The following KIAA1549L variants were observed in gnomAD, a reference collection of about 807,000 sequenced individuals.
The protein encoded by KIAA1549L is KIAA1549 like, also known as UPF0606 protein KIAA1549L.
In KIAA1549L, 88 loss-of-function variants were observed where a neutral mutation model predicts 160.7. That is an observed-to-expected ratio of 0.55 (90% CI 0.46 to 0.65). KIAA1549L has a LOEUF of 0.65. Among genes scored for constraint, KIAA1549L ranks in the 30% least tolerant of loss-of-function variants. KIAA1549L has a pLI of 0.00. For synonymous variants in KIAA1549L, 950 were observed against 976.7 expected, an observed-to-expected ratio of 0.97 and a Z score of 0.51; for missense variants, 2,258 against 2,437.5, an observed-to-expected ratio of 0.93 and a Z score of 1.55.
rs1851356109 is a variant in KIAA1549L, at chr11:33,435,802, ATATATATATGTG to A, written c.238+58915_238+58926del. Among the ~76,000 whole-genome samples, 5 of 16,480 alleles carry A rather than the reference ATATATATATGTG, an allele frequency of 3.0e-4. 1 individual carries two copies. Among genetic ancestry groups the A allele is most frequent in the African/African-American group, 2.0e-3 (5 of 2,536 alleles). 10.8% of individuals were successfully genotyped at this position (16,480 alleles called of 152,430 possible). On this transcript the variant is annotated intron_variant, in intron 1 of 20. Coordinates refer to ENST00000658780, the MANE Select transcript of KIAA1549L (RefSeq NM_012194.3). ...TATATATATATATATATATATATAT[ATATATATATGTG>A]TGTGTATATATATATATGTATATGT...
chr11:33,505,246 A>G (rs144222994), intron 1 of KIAA1549L, among the ~76,000 whole-genome samples: 123 of 152,004 alleles, frequency 8.1e-4, no homozygotes, highest in African/African-American at 2.9e-3. Flanking sequence ...AACAACCCAG[A>G]CTCTCTGAAG....
At chr11:33,395,817 T>G (rs1850362330) in intron 1 of KIAA1549L, among the ~76,000 whole-genome samples, 1 of 152,060 alleles carries the variant, frequency 6.6e-6, no homozygotes, top group Admixed American at 6.5e-5. Context: ...GTCTTCTGTT[T>G]GGCAAAAAAG....
chr11:33,442,797 G>A (rs953855049), intron 1 of KIAA1549L, among the ~76,000 whole-genome samples: 1 of 152,012 alleles, frequency 6.6e-6, no homozygotes, highest in African/African-American at 2.4e-5. Flanking sequence ...CTGGCTAGAC[G>A]TGTGTTAAAC....
At chr11:33,497,993 T>C (rs1852858753) in intron 1 of KIAA1549L, among the ~76,000 whole-genome samples, 1 of 152,128 alleles carries the variant, frequency 6.6e-6, no homozygotes, top group Non-Finnish European at 1.5e-5. Context: ...TCCTCATCTA[T>C]AAATACTAGT....
chr11:33,666,509 C>G (rs1328763370), intron 20 of KIAA1549L, among the ~76,000 whole-genome samples: 16 of 152,208 alleles, frequency 1.1e-4, no homozygotes, highest in Admixed American at 5.2e-4. Flanking sequence ...CCATAGCACC[C>G]TGTGCCTCTG....
At chr11:33,572,339 C>T (rs922050255) in intron 9 of KIAA1549L, among the ~76,000 whole-genome samples, 6 of 152,120 alleles carry the variant, frequency 3.9e-5, no homozygotes, top group Admixed American at 3.9e-4. Flanking sequence ...GCCTGGCCAA[C>T]ATTTTCAAAC....
intron 1 of KIAA1549L, among the ~76,000 whole-genome samples, chr11:33,474,649 A>G (rs1173862877): frequency 6.6e-6 from 1 of 152,214 alleles, no homozygotes; most frequent in African/African-American, 2.4e-5. Flanking sequence ...TAACTTCCTC[A>G]TTTGTAAAAG....
intron 1 of KIAA1549L, among the ~76,000 whole-genome samples, chr11:33,467,685 T>C (rs1258292350): frequency 6.6e-6 from 1 of 152,216 alleles, no homozygotes; most frequent in Non-Finnish European, 1.5e-5. Context: ...ATATAGTAGA[T>C]TCCATTTTTG....
chr11:33,394,182 C>T (rs924114301), intron 1 of KIAA1549L, among the ~76,000 whole-genome samples: 11 of 152,136 alleles, frequency 7.2e-5, no homozygotes, highest in South Asian at 4.2e-4. Flanking sequence ...AAAGCAGCCT[C>T]GGCAACATGG....
intron 1 of KIAA1549L, among the ~76,000 whole-genome samples, chr11:33,484,108 A>T (rs1215712545): frequency 6.6e-6 from 1 of 152,112 alleles, no homozygotes; most frequent in Non-Finnish European, 1.5e-5. Context: ...TCTTATTTCT[A>T]TAATTATTTT....
At chr11:33,454,721 C>G (rs1415813710) in intron 1 of KIAA1549L, among the ~76,000 whole-genome samples, 2 of 151,960 alleles carry the variant, frequency 1.3e-5, no homozygotes, top group Non-Finnish European at 2.9e-5. Flanking sequence ...GTGCCATTGT[C>G]ATAGAAGAGA....
At chr11:33,652,299 G>A (rs1056015299) in intron 17 of KIAA1549L, among the ~76,000 whole-genome samples, 21 of 152,240 alleles carry the variant, frequency 1.4e-4, no homozygotes, top group African/African-American at 4.8e-4. Context: ...ATGCACAGGA[G>A]TGGGTAGAAG....
chr11:33,521,477 T>C (rs1853492135), intron 1 of KIAA1549L, among the ~76,000 whole-genome samples: 1 of 152,248 alleles, frequency 6.6e-6, no homozygotes, highest in Non-Finnish European at 1.5e-5. Flanking sequence ...TGTTCACATT[T>C]GCAAACACTT....
At chr11:33,411,046 T>C (rs1471290820) in intron 1 of KIAA1549L, among the ~76,000 whole-genome samples, 1 of 152,084 alleles carries the variant, frequency 6.6e-6, no homozygotes, top group East Asian at 1.9e-4. Flanking sequence ...AGGCACACAC[T>C]GGGTTGTAAG....
intron 15 of KIAA1549L, 149 bp downstream of exon 15, chr11:33,610,115 C>T: frequency 4.9e-6 from 3 of 618,420 alleles, no homozygotes; most frequent in South Asian, 3.9e-5. Context: ...TCTGTGCAAG[C>T]AGGTGCTCTA....
chr11:33,419,297 C>T (rs2134099897), intron 1 of KIAA1549L, among the ~76,000 whole-genome samples: 1 of 152,230 alleles, frequency 6.6e-6, no homozygotes, highest in South Asian at 2.1e-4. Context: ...GAGTAATGAG[C>T]CTGGTGGATA....
intron 10 of KIAA1549L, among the ~76,000 whole-genome samples, chr11:33,576,765 G>A (rs1855462661): frequency 6.6e-6 from 1 of 152,190 alleles, no homozygotes; most frequent in African/African-American, 2.4e-5. Context: ...CTTGAGCATT[G>A]GTTGTGGTGC....
At chr11:33,636,258 T>A (rs988109084) in intron 16 of KIAA1549L, among the ~76,000 whole-genome samples, 4 of 152,156 alleles carry the variant, frequency 2.6e-5, no homozygotes, top group Non-Finnish European at 5.9e-5. Flanking sequence ...CCTCTAGTGC[T>A]TCCTTTAATA....
intron 1 of KIAA1549L, among the ~76,000 whole-genome samples, chr11:33,391,378 C>T (rs1164081205): frequency 6.6e-6 from 1 of 152,138 alleles, no homozygotes; most frequent in East Asian, 1.9e-4. Context: ...CCTAGGGATG[C>T]GGAGTCCACG....
Sources: gnomAD v4.1 joint callset for allele counts (sites outside exome capture counted in the v4.1 genomes callset) on GRCh38, gnomAD v4.1.1 for gene constraint, MANE v1.5 for transcripts, NCBI Gene and HGNC (gene_info 2026-07-23, HGNC 2026-07-21) for gene names.